Variants in RBBP8 observed in about 807,000 individuals in gnomAD.
RBBP8 encodes DNA endonuclease RBBP8.
In RBBP8, 88 loss-of-function variants were observed where a neutral mutation model predicts 108.3. The ratio of observed to expected loss-of-function variants is 0.81; its 90% CI spans 0.68 to 0.97. The LOEUF is 0.97. Among genes scored for constraint, RBBP8 ranks in the 50% least tolerant of loss-of-function variants. RBBP8 has a pLI of 0.00. For missense variants in RBBP8, 1,023 were observed against 1,049.0 expected, an observed-to-expected ratio of 0.98 and a Z score of 0.34; for synonymous variants, 332 against 348.2, an observed-to-expected ratio of 0.95 and a Z score of 0.52.
intron 15 of RBBP8, among the ~76,000 whole-genome samples, chr18:23,002,579 ATACTC>A (rs1485530794): frequency 3.3e-5 from 5 of 152,234 alleles, no homozygotes; most frequent in Non-Finnish European, 7.3e-5. Context: ...CAGAAAAAGA[ATACTC>A]TAATTGAAAA....
chr18:22,968,459 A>C (rs970896336), intron 4 of RBBP8, among the ~76,000 whole-genome samples: 3 of 152,342 alleles, frequency 2.0e-5, no homozygotes, highest in East Asian at 3.9e-4. Context: ...GTGCTGAGCA[A>C]AGCAGCTGCA....
At chr18:22,955,468 T>C (rs559133650) in intron 4 of RBBP8, among the ~76,000 whole-genome samples, 1 of 152,310 alleles carries the variant, frequency 6.6e-6, no homozygotes, top group African/African-American at 2.4e-5. Context: ...AATCTTTCTA[T>C]TAACGCTACA....
intron 9 of RBBP8, among the ~76,000 whole-genome samples, chr18:22,990,229 C>T (rs1436640812): frequency 6.6e-6 from 1 of 152,138 alleles, no homozygotes; most frequent in African/African-American, 2.4e-5. Context: ...ATCCATGGGC[C>T]AATAGCATCT....
rs999871416 is a variant in RBBP8 at position 22,972,649 on chromosome 18, G to A, written c.362-2504G>A. Among the ~76,000 whole-genome samples the A allele has an allele frequency of 3.3e-4, 50 of 152,064 alleles. 1 individual carries two copies. The highest frequency in any genetic ancestry group is 1.2e-3 in the African/African-American group (50 of 41,526). ...GGCTGGCCTCGAACTCCTAACCTCGGTTGATCCGCTTTGCATTTTTAAAGT... is the reference window on the plus strand; with the variant it reads ...GGCTGGCCTCGAACTCCTAACCTCGATTGATCCGCTTTGCATTTTTAAAGT... On this transcript the variant is annotated intron_variant, in intron 5 of 18. Transcript: ENST00000327155.
intron 15 of RBBP8, among the ~76,000 whole-genome samples, chr18:23,005,570 G>C (rs2046028309): frequency 6.6e-6 from 1 of 151,982 alleles, no homozygotes. Flanking sequence ...GTGCCACCAT[G>C]CCCAGCTAAT....
chr18:22,978,301 A>G (rs1598695955), intron 6 of RBBP8, among the ~76,000 whole-genome samples: 1 of 152,232 alleles, frequency 6.6e-6, no homozygotes, highest in African/African-American at 2.4e-5. Flanking sequence ...CATCAGAAGG[A>G]AAAGTGAAAG....
At chr18:22,929,034 T>C (rs901849253), upstream of RBBP8, among the ~76,000 whole-genome samples, 2 of 152,086 alleles carry the variant, frequency 1.3e-5, no homozygotes, top group African/African-American at 2.4e-5. Flanking sequence ...GGTTTAGATG[T>C]TGGGCAGCTG....
At chr18:22,930,682 C>T (rs1389526675), upstream of RBBP8, among the ~76,000 whole-genome samples, 4 of 152,152 alleles carry the variant, frequency 2.6e-5, no homozygotes, top group Non-Finnish European at 5.9e-5. Context: ...CCAGGGAATG[C>T]CCATTTCATT....
At chr18:22,923,373 T>C (rs1169218243) in intron 3 of RBBP8, among the ~76,000 whole-genome samples, 4 of 152,230 alleles carry the variant, frequency 2.6e-5, no homozygotes, top group Non-Finnish European at 4.4e-5. Flanking sequence ...CTTGCAGTTA[T>C]AGAACTCAAC....
At chr18:23,015,768 A>G (rs987372453) in intron 16 of RBBP8, among the ~76,000 whole-genome samples, 12 of 152,318 alleles carry the variant, frequency 7.9e-5, no homozygotes, top group African/African-American at 2.4e-4. Flanking sequence ...TCAGTTGACT[A>G]TAGAGGCATT....
intron 6 of RBBP8, among the ~76,000 whole-genome samples, chr18:22,981,949 G>T (rs190500876): frequency 4.6e-5 from 7 of 152,240 alleles, no homozygotes; most frequent in African/African-American, 1.7e-4. Context: ...CAGACTGTGG[G>T]TTCTCTCCTG....
intron 10 of RBBP8, among the ~76,000 whole-genome samples, chr18:22,991,623 C>A (rs1175537652): frequency 6.6e-6 from 1 of 152,120 alleles, no homozygotes; most frequent in African/African-American, 2.4e-5. Context: ...ATTTATAATA[C>A]CTAATACAAT....
At chr18:23,022,638 AAAT>A (rs1555650073) in intron 18 of RBBP8, among the ~76,000 whole-genome samples, 9 of 22,474 alleles carry the variant, frequency 4.0e-4, no homozygotes, top group African/African-American at 9.0e-4. Flanking sequence ...AAAATAAAAT[AAAT>A]AAAATACAAT....
Position 23,016,830 on chromosome 18 carries a change from AG to A in RBBP8, c.2361del (p.Thr788LeufsTer113). 6.2e-7 allele frequency: 1 copy of A among 1,609,516 alleles called. No individual in the cohort carries two copies. Among genetic ancestry groups the A allele is most frequent in the Admixed American group, 1.7e-5 (1 of 59,984 alleles). ...VEPYFKGDER[E>X]TSLQNFPHIE... ...AATTTAATTCATTTTTCCCCCAGAG[AG>A]ACTAGCTTGCAAAATTTTCCTCATA... On this transcript the variant is annotated frameshift_variant, in exon 17 of 19. Transcript: ENST00000327155. LOFTEE classifies it high-confidence loss of function.
At chr18:23,011,555 G>A (rs1464260556) in intron 16 of RBBP8, among the ~76,000 whole-genome samples, 2 of 150,978 alleles carry the variant, frequency 1.3e-5, no homozygotes, top group Non-Finnish European at 2.9e-5. Flanking sequence ...TCCTGCCTCA[G>A]CCTCCTGTGT....
intron 6 of RBBP8, among the ~76,000 whole-genome samples, chr18:22,981,060 A>G (rs1914893372): frequency 1.6e-5 from 1 of 61,588 alleles, no homozygotes; most frequent in Non-Finnish European, 3.9e-5. Flanking sequence ...GCAAGCTCCG[A>G]CTCTGGGTTC....
chr18:23,017,428 C>T (rs2046277216), intron 17 of RBBP8, among the ~76,000 whole-genome samples: 1 of 150,818 alleles, frequency 6.6e-6, no homozygotes, highest in South Asian at 2.1e-4. Context: ...CCAAGGCGGG[C>T]GGATCACGAG....
intron 4 of RBBP8, among the ~76,000 whole-genome samples, chr18:22,950,311 G>A (rs551456828): frequency 2.6e-5 from 4 of 152,268 alleles, no homozygotes; most frequent in Middle Eastern, 3.4e-3. Flanking sequence ...CCAGCCAAGC[G>A]TGGTGGCTCA....
At chr18:22,976,226 T>C (rs1415094862) in intron 6 of RBBP8, among the ~76,000 whole-genome samples, 3 of 152,256 alleles carry the variant, frequency 2.0e-5, no homozygotes, top group African/African-American at 7.2e-5. Flanking sequence ...TCCCATGTGA[T>C]TGGTCTACTG....
Sources: allele counts gnomAD v4.1 joint callset (sites outside exome capture counted in the v4.1 genomes callset), GRCh38; gene constraint gnomAD v4.1.1; transcripts MANE v1.5; gene names NCBI Gene and HGNC (gene_info 2026-07-23, HGNC 2026-07-21).